Variants in ATP10B observed in about 807,000 individuals in gnomAD.
ATP10B encodes phospholipid-transporting ATPase VB.
Under a neutral mutation model 141.2 loss-of-function variants are expected in ATP10B, and 122 were observed. That is an observed-to-expected ratio of 0.86 (90% CI 0.75 to 1.00). The LOEUF is 1.00. ATP10B is among the 50% of genes least tolerant of loss of function. The pLI, the probability that ATP10B is intolerant of heterozygous loss-of-function variation, is 0.00. For missense variants in ATP10B, 1,876 were observed against 1,825.3 expected, an observed-to-expected ratio of 1.03 and a Z score of -0.51; for synonymous variants, 685 against 692.0, an observed-to-expected ratio of 0.99 and a Z score of 0.16.
At position 160,814,952 on chromosome 5, in the gene ATP10B, G is replaced by A. The variant is rs184679363; in HGVS notation, c.-575-29149C>T. Among the ~76,000 whole-genome samples, 530 of 152,096 alleles carry A rather than the reference G, an allele frequency of 3.5e-3. 4 individuals carry two copies. Among genetic ancestry groups the A allele is most frequent in the Non-Finnish European group, 4.3e-3 (292 of 67,986 alleles). The stretch of plus-strand genomic sequence containing the variant: ...GCAAATGCTGAGAGATTTTGTCACC[G>A]CCAGGCCTGCCCTAAAAGAGCTCCT... On this transcript the variant is annotated intron_variant, in intron 1 of 25. Transcript: ENST00000327245.
chr5:160,587,728 T>C (rs1182967752), intron 24 of ATP10B, among the ~76,000 whole-genome samples: 1 of 152,244 alleles, frequency 6.6e-6, no homozygotes, highest in Non-Finnish European at 1.5e-5. Flanking sequence ...TGGTGCTCTG[T>C]TTGTCTATTG....
At position 160,571,364 on chromosome 5, in the gene ATP10B, TA is replaced by T. The variant is rs1754864097; in HGVS notation, c.3751-1682del. Among the ~76,000 whole-genome samples, 3 of 152,222 alleles carry T rather than the reference TA, an allele frequency of 2.0e-5. No individual in the cohort carries two copies. The East Asian group carries it at 5.8e-4, about 29-fold the overall frequency. ...CAACCATTGAAACTTATAGTTATTG[TA>T]GTCTTTATTTCTAAATTTTCTATTG... On this transcript the variant is annotated intron_variant, in intron 24 of 25. Coordinates refer to ENST00000327245, the MANE Select transcript of ATP10B (RefSeq NM_025153.3).
At chr5:160,573,940 C>A (rs1755036960) in intron 24 of ATP10B, among the ~76,000 whole-genome samples, 1 of 152,180 alleles carries the variant, frequency 6.6e-6, no homozygotes. Context: ...CATGTCTCCA[C>A]ATATATGTGT....
the ATP10B span, among the ~76,000 whole-genome samples, chr5:160,885,728 G>A: frequency 6.6e-6 from 1 of 152,196 alleles, no homozygotes; most frequent in Admixed American, 6.5e-5. Flanking sequence ...TGTGCCTTAT[G>A]AAAGTTGTTT....
chr5:160,673,831 G>C (rs1345432845), intron 6 of ATP10B, among the ~76,000 whole-genome samples: 1 of 152,132 alleles, frequency 6.6e-6, no homozygotes, highest in Non-Finnish European at 1.5e-5. Flanking sequence ...CCAAGTATAA[G>C]GCTACTTACA....
chr5:160,770,439 T>A (rs2127855228), intron 2 of ATP10B, among the ~76,000 whole-genome samples: 1 of 152,114 alleles, frequency 6.6e-6, no homozygotes, highest in South Asian at 2.1e-4. Context: ...GCTGAACACA[T>A]TTTTTTTCCT....
chr5:160,788,819 A>G (rs1771361935), intron 1 of ATP10B, among the ~76,000 whole-genome samples: 1 of 152,126 alleles, frequency 6.6e-6, no homozygotes, highest in African/African-American at 2.4e-5. Context: ...GAACATAAGT[A>G]AGTTAACTTT....
chr5:160,678,386 G>A lies in ATP10B; in HGVS notation c.470+7693C>T, dbSNP rs576562436. On this transcript the variant is annotated intron_variant, in intron 6 of 25. Coordinates refer to ENST00000327245, the MANE Select transcript of ATP10B (RefSeq NM_025153.3). Reference sequence around the variant, plus strand: ...TTAAAAAAAAAATTACTGGCTGGGCGTGGTGGCTCACGCCATAATACCAGC... The same window carrying A: ...TTAAAAAAAAAATTACTGGCTGGGCATGGTGGCTCACGCCATAATACCAGC... Among the ~76,000 whole-genome samples the A allele has an allele frequency of 4.6e-5, 7 of 152,186 alleles. No individual in the cohort carries two copies. The East Asian group carries it at 5.8e-4, about 13-fold the overall frequency.
chr5:160,748,981 T>C (rs1453865896), intron 2 of ATP10B, among the ~76,000 whole-genome samples: 3 of 152,176 alleles, frequency 2.0e-5, no homozygotes, highest in African/African-American at 7.2e-5. Flanking sequence ...GAATGATCTC[T>C]TTTGTACAGA....
intron 15 of ATP10B, among the ~76,000 whole-genome samples, chr5:160,618,469 C>T (rs1004209611): frequency 1.1e-4 from 17 of 152,118 alleles, no homozygotes; most frequent in Admixed American, 1.0e-3. Flanking sequence ...AATTAGGTCC[C>T]AAGACATCTA....
In ATP10B at chr5:160,612,740, C is replaced by A; in HGVS notation, c.2838+1G>T. 1.9e-6 allele frequency: 3 copies of A among 1,609,608 alleles called. No individual in the cohort carries two copies. The highest frequency in any genetic ancestry group is 2.6e-6 in the Non-Finnish European group (3 of 1,176,390). On this transcript the variant is annotated splice_donor_variant, in intron 18 of 25. Transcript: ENST00000327245. LOFTEE classifies it high-confidence loss of function. The stretch of plus-strand genomic sequence containing the variant: ...GATATCAATACAGAGAATCACCTCA[C>A]CTGATTCTCTGTATTGATGGTATAA...
intron 21 of ATP10B, among the ~76,000 whole-genome samples, chr5:160,602,186 T>C (rs1356653180): frequency 6.6e-6 from 1 of 152,230 alleles, no homozygotes; most frequent in Non-Finnish European, 1.5e-5. Context: ...TCTCATTTAG[T>C]CCTCATAGCA....
chr5:160,628,203 GA>G (rs1197802685), intron 13 of ATP10B, among the ~76,000 whole-genome samples: 2 of 152,294 alleles, frequency 1.3e-5, no homozygotes, highest in South Asian at 2.1e-4. Context: ...TAAGCCCAAA[GA>G]AAAAAACTCA....
chr5:160,925,415 T>C, the ATP10B span, among the ~76,000 whole-genome samples: 1 of 152,228 alleles, frequency 6.6e-6, no homozygotes, highest in Non-Finnish European at 1.5e-5. Context: ...ATCACCCCCG[T>C]TTGTAGACGG....
At chr5:160,895,023 C>T in the ATP10B span, among the ~76,000 whole-genome samples, 1 of 152,096 alleles carries the variant, frequency 6.6e-6, no homozygotes, top group African/African-American at 2.4e-5. Context: ...TTGTCACTAC[C>T]AGGACTGCCT....
At chr5:160,664,731 C>A (rs749412192) in intron 7 of ATP10B, among the ~76,000 whole-genome samples, 5 of 152,106 alleles carry the variant, frequency 3.3e-5, no homozygotes, top group Admixed American at 6.5e-5. Context: ...TCCCACTTGG[C>A]CCTGGGGAAT....
rs1410007545 is a variant in ATP10B, at chr5:160,612,756, G to C, written c.2823C>G (p.Ile941Met). 4 of 1,613,628 alleles carry C rather than the reference G, an allele frequency of 2.5e-6. No individual in the cohort carries two copies. Among genetic ancestry groups the C allele is most frequent in the Middle Eastern group, 1.7e-4 (1 of 6,060 alleles). The change falls in exon 18 of 26, where the codon ATC (isoleucine) becomes ATG (methionine). Residue 941 changes from isoleucine (I) to methionine (M), a missense_variant. Physicochemically the swap from Ile to Met is conservative, Grantham distance 10. Coordinates refer to ENST00000327245, the MANE Select transcript of ATP10B (RefSeq NM_025153.3). ...LLNQTDTVYTINTENQETCES... is the reference protein window; with the variant it reads ...LLNQTDTVYTMNTENQETCES... ...ATCACCTCACCTGATTCTCTGTATTGATGGTATAAACAGTGTCGGTCTGAT... is the reference window on the plus strand; with the variant it reads ...ATCACCTCACCTGATTCTCTGTATTCATGGTATAAACAGTGTCGGTCTGAT...
intron 2 of ATP10B, among the ~76,000 whole-genome samples, chr5:160,769,418 A>G (rs530645842): frequency 9.2e-5 from 14 of 152,332 alleles, no homozygotes; most frequent in African/African-American, 3.1e-4. Flanking sequence ...CAATTGCTCT[A>G]TTAAATTAAA....
chr5:160,652,901 T>TATAA (rs1275222120), intron 7 of ATP10B, among the ~76,000 whole-genome samples: 12 of 70,300 alleles, frequency 1.7e-4, no homozygotes, highest in African/African-American at 7.2e-4. Flanking sequence ...ATATAATATA[T>TATAA]TATATATACA....
Sources: allele counts gnomAD v4.1 joint callset (sites outside exome capture counted in the v4.1 genomes callset), GRCh38; gene constraint gnomAD v4.1.1; transcripts MANE v1.5; gene names NCBI Gene and HGNC (gene_info 2026-07-23, HGNC 2026-07-21).